CNTNAP5: variants seen among roughly 807,000 people sequenced by gnomAD.
The protein encoded by CNTNAP5 is contactin associated protein family member 5, also known as contactin-associated protein-like 5.
Under a neutral mutation model 150.2 loss-of-function variants are expected in CNTNAP5, and 72 were observed. That is an observed-to-expected ratio of 0.48 (90% CI 0.40 to 0.58). CNTNAP5 has a LOEUF of 0.58. Ranked by LOEUF, CNTNAP5 falls within the 20% of genes least tolerant of loss-of-function variation. CNTNAP5 has a pLI of 0.00. For missense variants in CNTNAP5, 1,636 were observed against 1,626.2 expected, an observed-to-expected ratio of 1.01 and a Z score of -0.10; for synonymous variants, 672 against 619.8, an observed-to-expected ratio of 1.08 and a Z score of -1.25.
chr2:124,372,571 C>T (rs114780836), intron 3 of CNTNAP5, among the ~76,000 whole-genome samples: 5,326 of 152,174 alleles, frequency 0.035, 146 homozygotes, highest in Non-Finnish European at 0.042. Flanking sequence ...TAGCCAACTT[C>T]TGACAACGAA....
chr2:124,705,395 G>A (rs1255193744), intron 13 of CNTNAP5, among the ~76,000 whole-genome samples: 1 of 152,122 alleles, frequency 6.6e-6, no homozygotes, highest in Non-Finnish European at 1.5e-5. Flanking sequence ...GGGTGTGGTG[G>A]CATGTGCCTG....
intron 22 of CNTNAP5, among the ~76,000 whole-genome samples, chr2:124,910,564 A>G (rs1260503134): frequency 1.3e-5 from 2 of 152,002 alleles, no homozygotes; most frequent in Non-Finnish European, 2.9e-5. Context: ...TTTTTCAAGC[A>G]GCAGAGAGGA....
chr2:124,460,739 G>A (rs2104820366), intron 6 of CNTNAP5, among the ~76,000 whole-genome samples: 1 of 152,260 alleles, frequency 6.6e-6, no homozygotes, highest in Non-Finnish European at 1.5e-5. Context: ...ACCCCTTGCT[G>A]CCTTCCTTAC....
At chr2:124,786,548 GGAAA>G (rs753342885) in intron 17 of CNTNAP5, among the ~76,000 whole-genome samples, 20 of 143,730 alleles carry the variant, frequency 1.4e-4, no homozygotes, top group East Asian at 2.0e-4. Flanking sequence ...GAAAGAGAAA[GGAAA>G]GAAAGAAAGA....
At chr2:124,850,956 T>A (rs1683141275) in intron 19 of CNTNAP5, among the ~76,000 whole-genome samples, 1 of 152,194 alleles carries the variant, frequency 6.6e-6, no homozygotes, top group Non-Finnish European at 1.5e-5. Flanking sequence ...AAAATCTGAC[T>A]GGAATAAGTT....
chr2:124,883,643 G>GGTAT, intron 21 of CNTNAP5, among the ~76,000 whole-genome samples: 1 of 152,172 alleles, frequency 6.6e-6, no homozygotes, highest in Admixed American at 6.5e-5. Flanking sequence ...TCCTGGTACA[G>GGTAT]GTATGTATGT....
rs1385541112 is a variant in CNTNAP5, at chr2:124,707,017, G to GAA, written c.2078-40212_2078-40211insAA. 6.3e-4 allele frequency among the ~76,000 whole-genome samples: 60 copies of GAA among 94,582 alleles called. 3 individuals carry two copies. The highest frequency in any genetic ancestry group is 1.7e-3 in the African/African-American group (51 of 30,018). The allele number at this position is 94,582 out of a possible 152,430, so 62.0% of individuals were successfully genotyped here. A position where few individuals can be genotyped will look rare whatever the true frequency, so the allele number is the denominator to read the frequency against. On this transcript the variant is annotated intron_variant, in intron 13 of 23. Coordinates refer to ENST00000682447, the MANE Select transcript of CNTNAP5 (RefSeq NM_001367498.1). ...AGAAGAGGAAGAAGAAGGAGGAGGAGGAGAAGAAGAAGAAGAAGAAGAAGG... is the reference window on the plus strand; with the variant it reads ...AGAAGAGGAAGAAGAAGGAGGAGGAGAAGAGAAGAAGAAGAAGAAGAAGAAGG...
chr2:124,729,496 A>G (rs1393890595), intron 13 of CNTNAP5, among the ~76,000 whole-genome samples: 3 of 152,126 alleles, frequency 2.0e-5, no homozygotes, highest in Non-Finnish European at 4.4e-5. Context: ...GCAATGAATT[A>G]TAAGAAGTTT....
rs1185199380 is a variant in CNTNAP5 at position 124,463,350 on chromosome 2, T to C, written c.919-11389T>C. Reference sequence around the variant, plus strand: ...GTCTGTCAGTCTGTGAAAAAATACCTATTTAGAGAAAGGAACTGTAGGCCT... The same window carrying C: ...GTCTGTCAGTCTGTGAAAAAATACCCATTTAGAGAAAGGAACTGTAGGCCT... On this transcript the variant is annotated intron_variant, in intron 6 of 23. Transcript: ENST00000682447. Among the ~76,000 whole-genome samples the C allele has an allele frequency of 3.9e-5, 6 of 152,170 alleles. 1 individual carries two copies. In the East Asian group the frequency reaches 1.2e-3, roughly 29 times the overall value.
intron 3 of CNTNAP5, among the ~76,000 whole-genome samples, chr2:124,369,592 T>G (rs576149824): frequency 6.6e-6 from 1 of 152,286 alleles, no homozygotes; most frequent in South Asian, 2.1e-4. Flanking sequence ...AGTTTTATTT[T>G]AGTGTTATAA....
At chr2:124,243,443 G>A (rs1686938421) in intron 3 of CNTNAP5, among the ~76,000 whole-genome samples, 1 of 152,088 alleles carries the variant, frequency 6.6e-6, no homozygotes, top group Non-Finnish European at 1.5e-5. Flanking sequence ...ATCACTTGGG[G>A]TTGTAATTGA....
At chr2:124,050,801 T>G (rs561050112) in intron 1 of CNTNAP5, among the ~76,000 whole-genome samples, 7 of 152,332 alleles carry the variant, frequency 4.6e-5, no homozygotes, top group African/African-American at 1.7e-4. Flanking sequence ...TCTCACACAC[T>G]GTTTGCAGCT....
At chr2:124,267,676 T>C (rs1038154027) in intron 3 of CNTNAP5, among the ~76,000 whole-genome samples, 5 of 152,168 alleles carry the variant, frequency 3.3e-5, no homozygotes, top group Admixed American at 1.3e-4. Context: ...ATGACTTGCA[T>C]TGTTTATACA....
intron 19 of CNTNAP5, among the ~76,000 whole-genome samples, chr2:124,845,212 T>A (rs2104697063): frequency 6.6e-6 from 1 of 152,092 alleles, no homozygotes; most frequent in Admixed American, 6.6e-5. Context: ...TTTCTAATAC[T>A]TTTTTTCTGC....
intron 22 of CNTNAP5, among the ~76,000 whole-genome samples, chr2:124,908,275 G>T (rs1353758402): frequency 6.6e-6 from 1 of 152,080 alleles, no homozygotes; most frequent in Non-Finnish European, 1.5e-5. Context: ...GGAAGCTGAG[G>T]CAGGAGAGTA....
chr2:124,479,178 A>G (rs1215963084), intron 7 of CNTNAP5, among the ~76,000 whole-genome samples: 1 of 152,238 alleles, frequency 6.6e-6, no homozygotes, highest in Non-Finnish European at 1.5e-5. Context: ...ATAATAAACA[A>G]TCAGAAAGCA....
rs1678837924 is a variant in CNTNAP5, at chr2:124,919,766, A to C, written c.*5478A>C. Reference sequence around the variant, plus strand: ...GTCACATTCTTTTTTTTCAATTTTTAAATTTTTTTTCAGGATTTTCTCAGA... The same window carrying C: ...GTCACATTCTTTTTTTTCAATTTTTCAATTTTTTTTCAGGATTTTCTCAGA... On this transcript the variant is annotated 3_prime_UTR_variant, in exon 24 of 24. Coordinates refer to ENST00000682447, the MANE Select transcript of CNTNAP5 (RefSeq NM_001367498.1). 1.3e-5 allele frequency among the ~76,000 whole-genome samples: 2 copies of C among 151,778 alleles called. No homozygotes were observed. The highest frequency in any genetic ancestry group is 3.2e-3 in the Middle Eastern group (1 of 316).
chr2:124,158,326 T>C (rs1280426914), intron 1 of CNTNAP5, among the ~76,000 whole-genome samples: 1 of 152,208 alleles, frequency 6.6e-6, no homozygotes. Context: ...CACCCACAGA[T>C]ACCAAAATCT....
intron 21 of CNTNAP5, among the ~76,000 whole-genome samples, chr2:124,872,034 T>C (rs1677760051): frequency 6.6e-6 from 1 of 152,112 alleles, no homozygotes; most frequent in South Asian, 2.1e-4. Flanking sequence ...CATTCTTTGA[T>C]ATAACATCTT....
Sources: gnomAD v4.1 joint callset for allele counts (sites outside exome capture counted in the v4.1 genomes callset) on GRCh38, gnomAD v4.1.1 for gene constraint, MANE v1.5 for transcripts, NCBI Gene and HGNC (gene_info 2026-07-23, HGNC 2026-07-21) for gene names.